The following RFFL variants were observed in gnomAD, a reference collection of about 807,000 sequenced individuals.
RFFL encodes ring finger and FYVE like domain containing E3 ubiquitin protein ligase, also known as E3 ubiquitin-protein ligase rififylin.
Under a neutral mutation model 40.4 loss-of-function variants are expected in RFFL, and 16 were observed. The observed-to-expected ratio is 0.40, with a 90% confidence interval of 0.27 to 0.60. The LOEUF (loss-of-function observed/expected upper bound fraction) is 0.60. RFFL is among the 20% of genes least tolerant of loss of function. The pLI is 0.47. For synonymous variants in RFFL, 154 were observed against 167.9 expected, an observed-to-expected ratio of 0.92 and a Z score of 0.64; for missense variants, 367 against 451.7, an observed-to-expected ratio of 0.81 and a Z score of 1.70.
Position 35,061,107 on chromosome 17 carries a change from G to A in RFFL, c.-9+2469C>T, listed in dbSNP as rs117670336. Among the ~76,000 whole-genome samples the A allele has an allele frequency of 2.3e-4, 35 of 152,288 alleles. No individual in the cohort carries two copies. The East Asian group carries it at 6.4e-3, about 28-fold the overall frequency. On this transcript the variant is annotated intron_variant, in intron 1 of 6. Transcript: ENST00000394597. ...GGAGAGGGAGATGAGATGGTTAACA[G>A]CAACATGTAGGAAAGAATCCAACTG...
chr17:35,079,216 G>T (rs1207045600), intron 1 of RFFL, among the ~76,000 whole-genome samples: 3 of 152,136 alleles, frequency 2.0e-5, no homozygotes, highest in Non-Finnish European at 4.4e-5. Flanking sequence ...AGAGACGAGG[G>T]TTTCACCCTG....
chr17:35,012,359 C>T, intron 6 of RFFL, among the ~76,000 whole-genome samples: 1 of 152,332 alleles, frequency 6.6e-6, no homozygotes, highest in Admixed American at 6.5e-5. Context: ...CACTTCATCC[C>T]CTCCAACAGG....
upstream of RFFL, among the ~76,000 whole-genome samples, chr17:35,065,576 A>G (rs1567714939): frequency 3.3e-5 from 5 of 151,998 alleles, no homozygotes; most frequent in South Asian, 1.0e-3. Flanking sequence ...AAAAAAAAAA[A>G]AGAAAGAGAA....
intron 1 of RFFL, among the ~76,000 whole-genome samples, chr17:35,044,646 A>C (rs1223138994): frequency 6.6e-6 from 1 of 152,168 alleles, no homozygotes; most frequent in Non-Finnish European, 1.5e-5. Flanking sequence ...TCACTGGGTA[A>C]CTAGTAAATA....
intron 1 of RFFL, among the ~76,000 whole-genome samples, chr17:35,074,761 T>C (rs2091367865): frequency 6.6e-6 from 1 of 152,170 alleles, no homozygotes; most frequent in Non-Finnish European, 1.5e-5. Flanking sequence ...CAAAGAGAAG[T>C]ATCACATAGC....
upstream of RFFL, among the ~76,000 whole-genome samples, chr17:35,067,456 CTTTT>C (rs34727905): frequency 7.9e-6 from 1 of 126,740 alleles, no homozygotes; most frequent in Non-Finnish European, 1.6e-5. Context: ...TCTTCCAAGC[CTTTT>C]TTTTTTTTTT....
At chr17:35,030,347 G>C (rs2091074802) in intron 1 of RFFL, among the ~76,000 whole-genome samples, 1 of 150,586 alleles carries the variant, frequency 6.6e-6, no homozygotes, top group Non-Finnish European at 1.5e-5. Flanking sequence ...ATCCTCTCCA[G>C]CACCTGTTGT....
Position 35,012,096 on chromosome 17 carries a change from A to G in RFFL, c.964T>C (p.Ser322Pro). Residue 322 changes from serine (S) to proline (P), a missense_variant, in exon 7 of 7, where the codon TCA becomes CCA. By Grantham distance (74) the Ser-to-Pro change is moderately conservative. Coordinates refer to ENST00000394597, the MANE Select transcript of RFFL (RefSeq NM_001017368.2). ...TCCAGAAGAACACAGTCAATGGGTG[A>G]GTCCATGCAGATCTTACACAGGTTC... ...EENLCKICMDSPIDCVLLECG... is the reference protein window; with the variant it reads ...EENLCKICMDPPIDCVLLECG... 1 of 1,614,176 alleles carries G rather than the reference A, an allele frequency of 6.2e-7. No individual in the cohort carries two copies. Among genetic ancestry groups the G allele is most frequent in the Non-Finnish European group, 8.5e-7 (1 of 1,180,036 alleles).
chr17:35,052,240 T>TTTTCCC (rs1186620634), intron 1 of RFFL, among the ~76,000 whole-genome samples: 14 of 152,354 alleles, frequency 9.2e-5, no homozygotes, highest in African/African-American at 3.4e-4. Flanking sequence ...GGAAGATTTT[T>TTTTCCC]TTTCCCTTTC....
At position 35,011,901 on chromosome 17, in the gene RFFL, G is replaced by T; in HGVS notation, c.*67C>A. 6.6e-7 allele frequency: 1 copy of T among 1,520,870 alleles called. No individual in the cohort carries two copies. Among genetic ancestry groups the T allele is most frequent in the Non-Finnish European group, 9.0e-7 (1 of 1,110,556 alleles). 94.2% of individuals were successfully genotyped at this position (1,520,870 alleles called of 1,614,324 possible). Reference sequence around the variant, plus strand: ...TACTAGCTTGCTCCTCTGCAAGCTGGCCAACCCTGAGCCCAGACACCCCAG... The same window carrying T: ...TACTAGCTTGCTCCTCTGCAAGCTGTCCAACCCTGAGCCCAGACACCCCAG... On this transcript the variant is annotated 3_prime_UTR_variant, in exon 7 of 7. Coordinates refer to ENST00000394597, the MANE Select transcript of RFFL (RefSeq NM_001017368.2).
chr17:35,070,561 T>A (rs1352326123), intron 1 of RFFL, among the ~76,000 whole-genome samples: 6 of 152,164 alleles, frequency 3.9e-5, no homozygotes. Flanking sequence ...AAATTTTGAG[T>A]ACATTTAAAG....
intron 1 of RFFL, among the ~76,000 whole-genome samples, chr17:35,083,969 T>C (rs111401986): frequency 0.01 from 1,538 of 152,206 alleles, 23 homozygotes; most frequent in African/African-American, 0.035. Flanking sequence ...GGTGGCTCAA[T>C]GGCTCAAGCC....
chr17:35,019,329 A>C (rs1174916549), intron 3 of RFFL, among the ~76,000 whole-genome samples: 2 of 152,204 alleles, frequency 1.3e-5, no homozygotes, highest in Non-Finnish European at 2.9e-5. Flanking sequence ...GGTTAATGAC[A>C]GGAAGCTTAT....
intron 4 of RFFL, 24 bp from the exon 5 acceptor site, chr17:35,016,604 G>A: frequency 6.3e-7 from 1 of 1,592,590 alleles, no homozygotes; most frequent in Non-Finnish European, 8.6e-7. Flanking sequence ...GATGAGATCA[G>A]TGTGCTCAGC....
At position 35,084,237 on chromosome 17, in the gene RFFL, AAAAT is replaced by A. The variant is rs2091417938; in HGVS notation, c.-9+4864_-9+4867del. Among the ~76,000 whole-genome samples, 4 of 152,212 alleles carry A rather than the reference AAAAT, an allele frequency of 2.6e-5. No individual in the cohort carries two copies. The South Asian group carries it at 8.3e-4, about 32-fold the overall frequency. On this transcript the variant is annotated intron_variant, in intron 1 of 6. Transcript: ENST00000315249. ...TGGGTGACAGAGACTCCATCTCAAA[AAAAT>A]AAATAAATAAAAACCACTTGGGGAG...
intron 1 of RFFL, among the ~76,000 whole-genome samples, chr17:35,040,901 A>C (rs2091161291): frequency 7.9e-6 from 1 of 126,528 alleles, no homozygotes; most frequent in South Asian, 2.6e-4. Context: ...TGTGAGGGAG[A>C]GAGAGATAGG....
chr17:35,087,342 C>G (rs991955319), intron 1 of RFFL, among the ~76,000 whole-genome samples: 1 of 150,510 alleles, frequency 6.6e-6, no homozygotes, highest in Non-Finnish European at 1.5e-5. Context: ...CAGAGTGAGA[C>G]TCTGTCTCCA....
rs368860511 is a variant in RFFL, at chr17:35,008,927, G to C, written c.*3041C>G. 6.6e-6 allele frequency: 1 copy of C among 152,130 alleles called. No homozygotes were observed. The highest frequency in any genetic ancestry group is 1.5e-5 in the Non-Finnish European group (1 of 68,054). The allele number at this position is 152,130 out of a possible 1,614,324, so 9.4% of individuals were successfully genotyped here. Reference sequence around the variant, plus strand: ...ATTACAGGCGTGAGCCACCGCACCCGGCCCTTGTTTGTTTTTTTAAGTAGA... The same window carrying C: ...ATTACAGGCGTGAGCCACCGCACCCCGCCCTTGTTTGTTTTTTTAAGTAGA... On this transcript the variant is annotated 3_prime_UTR_variant, in exon 7 of 7. Transcript: ENST00000394597.
intron 1 of RFFL, among the ~76,000 whole-genome samples, chr17:35,053,692 A>C (rs1390115325): frequency 2.6e-5 from 4 of 152,194 alleles, no homozygotes; most frequent in African/African-American, 4.8e-5. Flanking sequence ...CAAAGTACTT[A>C]ATACAATACC....
Sources: gnomAD v4.1 joint callset for allele counts (sites outside exome capture counted in the v4.1 genomes callset) on GRCh38, gnomAD v4.1.1 for gene constraint, MANE v1.5 for transcripts, NCBI Gene and HGNC (gene_info 2026-07-23, HGNC 2026-07-21) for gene names.